The following PAK1 variants were observed in gnomAD, a reference collection of about 807,000 sequenced individuals.
The protein encoded by PAK1 is p21 (RAC1) activated kinase 1, also known as serine/threonine-protein kinase PAK 1.
In PAK1, 29 loss-of-function variants were observed where a neutral mutation model predicts 67.4. That is an observed-to-expected ratio of 0.43 (90% CI 0.32 to 0.59). PAK1 has a LOEUF of 0.59. Among genes scored for constraint, PAK1 ranks in the 20% least tolerant of loss-of-function variants. PAK1 has a pLI of 0.07. For missense variants in PAK1, 337 were observed against 670.7 expected (o/e 0.50, Z 5.50); for synonymous variants, 223 against 237.4 (o/e 0.94, Z 0.56).
intron 1 of PAK1, among the ~76,000 whole-genome samples, chr11:77,446,718 A>T (rs1026377054): frequency 6.6e-6 from 1 of 151,976 alleles, no homozygotes; most frequent in African/African-American, 2.4e-5. Flanking sequence ...TCTAGTTAAA[A>T]TTGGCAGATT....
intron 1 of PAK1, chr11:77,456,077 G>C (rs1004218937): frequency 6.6e-6 from 1 of 152,154 alleles, no homozygotes; most frequent in Non-Finnish European, 1.5e-5. Context: ...AGTTGGAAAT[G>C]ATACCACTGC....
chr11:77,504,746 T>C, the PAK1 span, among the ~76,000 whole-genome samples: 1 of 152,236 alleles, frequency 6.6e-6, no homozygotes. Context: ...AGGTAGGGAC[T>C]TGAAATAGAA....
chr11:77,513,726 CTG>C, the PAK1 span, among the ~76,000 whole-genome samples: 1 of 140,794 alleles, frequency 7.1e-6, no homozygotes, highest in Non-Finnish European at 1.5e-5. Flanking sequence ...CGAGAAGAGA[CTG>C]TGTGCACGGA....
intron 1 of PAK1, among the ~76,000 whole-genome samples, chr11:77,455,281 C>G (rs1417594340): frequency 6.7e-6 from 1 of 148,186 alleles, no homozygotes; most frequent in Non-Finnish European, 1.5e-5. Flanking sequence ...CCTTTCTAGC[C>G]TAGTAGGCAC....
chr11:77,484,400 CG>C, the PAK1 span, among the ~76,000 whole-genome samples: 2 of 152,106 alleles, frequency 1.3e-5, no homozygotes, highest in African/African-American at 4.8e-5. Context: ...TATACCCCCT[CG>C]GGTGGATGTG....
chr11:77,365,256 AAAAAAAAAAAAAG>A (rs1457478734), intron 5 of PAK1, among the ~76,000 whole-genome samples: 75 of 91,326 alleles, frequency 8.2e-4, no homozygotes, highest in Admixed American at 2.8e-3. Flanking sequence ...TGTCTCAAAA[AAAAAAAAAAAAAG>A]AAAAAAGAAA....
intron 1 of PAK1, among the ~76,000 whole-genome samples, chr11:77,458,125 T>A (rs1957161628): frequency 6.6e-6 from 1 of 152,214 alleles, no homozygotes; most frequent in South Asian, 2.1e-4. Flanking sequence ...AAATACCACT[T>A]AAAGTTAACT....
the PAK1 span, among the ~76,000 whole-genome samples, chr11:77,480,763 A>C: frequency 6.6e-6 from 1 of 152,056 alleles, no homozygotes; most frequent in Non-Finnish European, 1.5e-5. Flanking sequence ...ACCTCAAGTG[A>C]TCCACCTGCC....
chr11:77,426,101 T>A (rs936885089), intron 1 of PAK1, among the ~76,000 whole-genome samples: 6 of 130,388 alleles, frequency 4.6e-5, no homozygotes, highest in Admixed American at 7.6e-5. Context: ...TTTTTTTTTT[T>A]ACACCACACG....
At chr11:77,332,243 G>A (rs1941717690) in intron 14 of PAK1, among the ~76,000 whole-genome samples, 1 of 137,776 alleles carries the variant, frequency 7.3e-6, no homozygotes, top group African/African-American at 2.8e-5. Flanking sequence ...ACCCAGGAGA[G>A]GAAGACTGCA....
rs1473604815 is a variant in PAK1, at chr11:77,336,148, C to T, written c.1351G>A (p.Gly451Ser). The T allele has an allele frequency of 5.0e-6, 8 of 1,613,640 alleles. No individual in the cohort carries two copies. The highest frequency in any genetic ancestry group is 6.8e-6 in the Non-Finnish European group (8 of 1,179,700). Residue 451 changes from glycine (G) to serine (S), a missense_variant, in exon 13 of 15, where the codon GGC becomes AGC. Physicochemically the swap from Gly to Ser is moderately conservative, Grantham distance 56. This residue lies in a region of PAK1 where 71 missense variants were observed against 160.5 expected (regional missense o/e 0.44). Transcript: ENST00000356341. ...TCAATCATTTCGATGGCCATGATGCCCAGGGACCAGATGTCAACCTTGGGC... is the reference window on the plus strand; with the variant it reads ...TCAATCATTTCGATGGCCATGATGCTCAGGGACCAGATGTCAACCTTGGGC... ...YGPKVDIWSL[G>S]IMAIEMIEGE...
intron 1 of PAK1, among the ~76,000 whole-genome samples, chr11:77,410,451 T>C (rs1954332438): frequency 6.6e-6 from 1 of 152,076 alleles, no homozygotes; most frequent in Admixed American, 6.5e-5. Flanking sequence ...AAAAGCTAGA[T>C]GCAAGTGAGT....
the PAK1 span, among the ~76,000 whole-genome samples, chr11:77,528,263 G>GT: frequency 6.6e-6 from 1 of 151,570 alleles, no homozygotes; most frequent in African/African-American, 2.4e-5. Flanking sequence ...AAATTTAACA[G>GT]TAATTCCTTA....
chr11:77,326,969 G>A (rs574195944), intron 14 of PAK1, among the ~76,000 whole-genome samples: 7 of 152,280 alleles, frequency 4.6e-5, no homozygotes, highest in Admixed American at 1.3e-4. Flanking sequence ...ACCAAGGCAC[G>A]AGAGCTACGT....
At chr11:77,483,573 C>T in the PAK1 span, among the ~76,000 whole-genome samples, 1 of 152,188 alleles carries the variant, frequency 6.6e-6, no homozygotes, top group Admixed American at 6.5e-5. Flanking sequence ...CAAACAGGTA[C>T]AAGGAAACTT....
intron 6 of PAK1, 139 bp from the exon 7 acceptor site, chr11:77,355,981 C>T: frequency 6.5e-6 from 4 of 616,028 alleles, no homozygotes; most frequent in South Asian, 6.1e-5. Flanking sequence ...CTATATTACT[C>T]CTCCTCTGTG....
chr11:77,328,908 G>C (rs1940731660), intron 14 of PAK1, among the ~76,000 whole-genome samples: 1 of 152,228 alleles, frequency 6.6e-6, no homozygotes, highest in Middle Eastern at 3.4e-3. Context: ...AAGAAGAAAA[G>C]AGAGAAGAAT....
chr11:77,449,451 G>A (rs975840220), intron 1 of PAK1, among the ~76,000 whole-genome samples: 1 of 151,992 alleles, frequency 6.6e-6, no homozygotes. Context: ...TGTACACATA[G>A]AGAAACTGAA....
the PAK1 span, among the ~76,000 whole-genome samples, chr11:77,504,658 A>G: frequency 3.9e-5 from 6 of 152,330 alleles, no homozygotes; most frequent in Admixed American, 1.3e-4. Flanking sequence ...TTATTATGAA[A>G]GTGGGTTTAA....
Sources: gnomAD v4.1 joint callset for allele counts (sites outside exome capture counted in the v4.1 genomes callset) on GRCh38, gnomAD v4.1.1 for gene constraint, gnomAD v4.1.1 regional missense constraint, MANE v1.5 for transcripts, NCBI Gene and HGNC (gene_info 2026-07-23, HGNC 2026-07-21) for gene names.